TNIP1: variants seen among roughly 807,000 people sequenced by gnomAD.
TNIP1 encodes TNFAIP3 interacting protein 1, also known as TNFAIP3-interacting protein 1.
Under a neutral mutation model 86.6 loss-of-function variants are expected in TNIP1, and 22 were observed. The observed-to-expected ratio is 0.25, with a 90% confidence interval of 0.18 to 0.36. The LOEUF (loss-of-function observed/expected upper bound fraction) is 0.36. Among genes scored for constraint, TNIP1 ranks in the 10% least tolerant of loss-of-function variants. TNIP1 has a pLI of 1.00. For missense variants in TNIP1, 709 were observed against 820.6 expected (o/e 0.86, Z 1.66); for synonymous variants, 294 against 313.0 (o/e 0.94, Z 0.64).
rs532596106 is a variant in TNIP1, at chr5:151,057,578, A to G, written c.436-621T>C. Among the ~76,000 whole-genome samples the G allele has an allele frequency of 5.3e-5, 8 of 152,236 alleles. No homozygotes were observed. In the East Asian group the frequency reaches 1.4e-3, roughly 26 times the overall value. ...CTAAAAATACAAAAATTAGCTGGGC[A>G]TGGTGGCACGTGCCTGTAATCCCAG... On this transcript the variant is annotated intron_variant, in intron 5 of 17. Transcript: ENST00000521591.
intron 8 of TNIP1, among the ~76,000 whole-genome samples, chr5:151,048,578 G>A (rs1415914203): frequency 6.6e-6 from 1 of 152,160 alleles, no homozygotes; most frequent in African/African-American, 2.4e-5. Flanking sequence ...AGGGCAAGTC[G>A]CTCCCACTCT....
In TNIP1 at chr5:151,062,200, T is replaced by C. The variant is rs147561136; in HGVS notation, c.284A>G (p.Asn95Ser). 1.7e-4 allele frequency: 274 copies of C among 1,613,988 alleles called. No homozygotes were observed. In the African/African-American group the frequency reaches 3.4e-3, roughly 20 times the overall value. Residue 95 changes from asparagine to serine, a missense_variant, in exon 4 of 18, where the codon AAT becomes AGT. Asn to Ser is a conservative substitution (Grantham distance 46, BLOSUM62 1). Coordinates refer to ENST00000521591, the MANE Select transcript of TNIP1 (RefSeq NM_006058.5). ...PLAELTGKDS[N>S]VTASPTAPAC... ...AGGGGCTGTGGGAGATGCTGTGACATTTGAGTCCTTTCCTGGAGAATCAAG... is the reference window on the plus strand; with the variant it reads ...AGGGGCTGTGGGAGATGCTGTGACACTTGAGTCCTTTCCTGGAGAATCAAG...
rs1288520440 is a variant in TNIP1, at chr5:151,030,177, G to A, written c.*536C>T. Reference sequence around the variant, plus strand: ...GGCTACTGTGAGTGGTGGTGGAGAGGGCCCCAGAGCCAGAATATCCATCAT... The same window carrying A: ...GGCTACTGTGAGTGGTGGTGGAGAGAGCCCCAGAGCCAGAATATCCATCAT... On this transcript the variant is annotated 3_prime_UTR_variant, in exon 18 of 18. Transcript: ENST00000521591. 6.6e-6 allele frequency: 3 copies of A among 456,428 alleles called. No individual in the cohort carries two copies. The Admixed American group carries it at 7.0e-5, about 11-fold the overall frequency. 28.3% of individuals were successfully genotyped at this position (456,428 alleles called of 1,614,324 possible). A position where few individuals can be genotyped will look rare whatever the true frequency, so the allele number is the denominator to read the frequency against.
chr5:151,085,486 T>A (rs1764241502), upstream of TNIP1, among the ~76,000 whole-genome samples: 1 of 152,200 alleles, frequency 6.6e-6, no homozygotes, highest in Admixed American at 6.5e-5. Context: ...TTCTCCAGGC[T>A]CTTTCCCCTT....
chr5:151,073,687 G>A (rs556767850), intron 1 of TNIP1, among the ~76,000 whole-genome samples: 1 of 151,854 alleles, frequency 6.6e-6, no homozygotes, highest in Admixed American at 6.6e-5. Context: ...TGAGGCCAGG[G>A]GTTCAAGACC....
chr5:151,049,625 C>A (rs1026247126), intron 8 of TNIP1, among the ~76,000 whole-genome samples, 199 bp downstream of exon 8: 7 of 152,146 alleles, frequency 4.6e-5, no homozygotes, highest in African/African-American at 1.7e-4. Flanking sequence ...GCTTATGAGG[C>A]CCATGAAGCC....
intron 1 of TNIP1, among the ~76,000 whole-genome samples, chr5:151,069,483 C>T (rs1762597423): frequency 6.6e-6 from 1 of 152,192 alleles, no homozygotes; most frequent in Non-Finnish European, 1.5e-5. Context: ...AAACTGAAGT[C>T]CAGCTTGGGG....
At chr5:151,055,151 C>T (rs1480552869) in intron 6 of TNIP1, among the ~76,000 whole-genome samples, 2 of 152,074 alleles carry the variant, frequency 1.3e-5, no homozygotes, top group East Asian at 3.8e-4. Context: ...TGAAGTGCCA[C>T]GAACTGGGAC....
chr5:151,045,797 C>T, intron 9 of TNIP1, 64 bp downstream of exon 9: 1 of 1,559,550 alleles, frequency 6.4e-7, no homozygotes, highest in South Asian at 1.1e-5. Flanking sequence ...CAGGGCAAGC[C>T]TTTGTGCTGC....
intron 1 of TNIP1, among the ~76,000 whole-genome samples, chr5:151,072,485 T>C (rs1240701167): frequency 6.6e-6 from 1 of 152,192 alleles, no homozygotes; most frequent in Non-Finnish European, 1.5e-5. Context: ...CCCAAAACAA[T>C]TCCTGGGGCA....
At chr5:151,047,185 C>G (rs965428122) in intron 8 of TNIP1, among the ~76,000 whole-genome samples, 2 of 152,184 alleles carry the variant, frequency 1.3e-5, no homozygotes, top group African/African-American at 4.8e-5. Context: ...ATCATGTACC[C>G]CTGGTCTGCT....
intron 6 of TNIP1, among the ~76,000 whole-genome samples, chr5:151,054,233 A>C (rs567478441): frequency 3.1e-4 from 47 of 152,352 alleles, no homozygotes; most frequent in African/African-American, 9.6e-4. Context: ...AACCCCTGCC[A>C]CACAGAATAG....
At chr5:151,049,737 G>T in intron 8 of TNIP1, 87 bp downstream of exon 8, 2 of 1,510,078 alleles carry the variant, frequency 1.3e-6, no homozygotes, top group Non-Finnish European at 1.8e-6. Context: ...CTGCAGGAGG[G>T]AGGAGGCTCA....
At chr5:151,078,905 G>A (rs1221266333) in intron 1 of TNIP1, among the ~76,000 whole-genome samples, 3 of 152,120 alleles carry the variant, frequency 2.0e-5, no homozygotes, top group East Asian at 3.8e-4. Context: ...AAATCAGGTC[G>A]GCCTGACCCA....
chr5:151,058,112 G>T lies in TNIP1; in HGVS notation c.436-1155C>A, dbSNP rs992209799. Among the ~76,000 whole-genome samples the T allele has an allele frequency of 3.3e-5, 5 of 152,306 alleles. No homozygotes were observed. In the East Asian group the frequency reaches 9.7e-4, roughly 29 times the overall value. On this transcript the variant is annotated intron_variant, in intron 5 of 17. Coordinates refer to ENST00000521591, the MANE Select transcript of TNIP1 (RefSeq NM_006058.5). ...ATTTTTGTATTTTTAGTTGAGACGG[G>T]GTTTCACCACAATGGCCAGGCTGGT...
intron 7 of TNIP1, among the ~76,000 whole-genome samples, chr5:151,051,521 C>G (rs1438366018): frequency 6.6e-6 from 1 of 152,190 alleles, no homozygotes; most frequent in Non-Finnish European, 1.5e-5. Context: ...TCAGTTTCCC[C>G]TCTGCACAGT....
chr5:151,052,733 G>A (rs527829857), intron 6 of TNIP1, among the ~76,000 whole-genome samples: 5 of 152,336 alleles, frequency 3.3e-5, no homozygotes, highest in South Asian at 4.1e-4. Flanking sequence ...GGCAGATAAA[G>A]CTAAAGAACT....
chr5:151,057,708 T>C (rs1009250439), intron 5 of TNIP1, among the ~76,000 whole-genome samples: 2 of 152,120 alleles, frequency 1.3e-5, no homozygotes, highest in African/African-American at 4.8e-5. Flanking sequence ...CAGAGCAAGA[T>C]TCCGTCCCAA....
chr5:151,053,847 G>C (rs1367111068), intron 6 of TNIP1, among the ~76,000 whole-genome samples: 1 of 152,228 alleles, frequency 6.6e-6, no homozygotes, highest in African/African-American at 2.4e-5. Flanking sequence ...CTGGCGGGGA[G>C]TAAAACTCCA....
Sources: gnomAD v4.1 joint callset for allele counts (sites outside exome capture counted in the v4.1 genomes callset) on GRCh38, gnomAD v4.1.1 for gene constraint, MANE v1.5 for transcripts, NCBI Gene and HGNC (gene_info 2026-07-23, HGNC 2026-07-21) for gene names.